Variants in ADGRG6 observed in about 807,000 individuals in gnomAD.
ADGRG6 encodes G-protein coupled receptor 126.
Under a neutral mutation model 142.4 loss-of-function variants are expected in ADGRG6, and 84 were observed. The observed-to-expected ratio is 0.59, with a 90% CI of 0.49 to 0.71. ADGRG6 has a LOEUF of 0.71. Among genes scored for constraint, ADGRG6 ranks in the 30% least tolerant of loss-of-function variants. The pLI is 0.00. For missense variants in ADGRG6, 1,367 were observed against 1,466.6 expected, an observed-to-expected ratio of 0.93 and a Z score of 1.11; for synonymous variants, 521 against 520.5, an observed-to-expected ratio of 1.00 and a Z score of -0.01.
intron 6 of ADGRG6, among the ~76,000 whole-genome samples, chr6:142,384,798 A>G (rs190160587): frequency 2.0e-5 from 3 of 152,268 alleles, no homozygotes; most frequent in Non-Finnish European, 2.9e-5. Context: ...CAGAGGTTAC[A>G]TCAATTTCCT....
chr6:142,409,000 T>A (rs1048151976), intron 16 of ADGRG6, among the ~76,000 whole-genome samples: 6 of 152,172 alleles, frequency 3.9e-5, no homozygotes, highest in African/African-American at 1.2e-4. Flanking sequence ...CCTTCATTCA[T>A]AAAGGACGAT....
intron 6 of ADGRG6, among the ~76,000 whole-genome samples, chr6:142,384,693 T>TCATTTAGCTTA: frequency 6.6e-6 from 1 of 152,112 alleles, no homozygotes; most frequent in Non-Finnish European, 1.5e-5. Flanking sequence ...TAAACTCCAG[T>TCATTTAGCTTA]CATTTAGCTT....
intron 2 of ADGRG6, among the ~76,000 whole-genome samples, chr6:142,353,479 A>G (rs1252282790): frequency 6.6e-5 from 10 of 152,178 alleles, no homozygotes; most frequent in Admixed American, 3.3e-4. Context: ...ACTTGACATT[A>G]TCTTTTCTTT....
chr6:142,396,686 T>C (rs192400318), intron 9 of ADGRG6, among the ~76,000 whole-genome samples: 1 of 152,318 alleles, frequency 6.6e-6, no homozygotes, highest in Admixed American at 6.5e-5. Context: ...TAACGTCTTA[T>C]CTTATTCATT....
At chr6:142,365,836 C>T (rs750693452) in intron 2 of ADGRG6, among the ~76,000 whole-genome samples, 22 of 152,224 alleles carry the variant, frequency 1.4e-4, no homozygotes, top group Non-Finnish European at 2.6e-4. Context: ...GAATAAATCA[C>T]CATATCATAG....
Position 142,302,110 on chromosome 6 carries a change from C to T in ADGRG6, c.-220C>T. 1 of 540,782 alleles carries T rather than the reference C, an allele frequency of 1.8e-6. No homozygotes were observed. Among genetic ancestry groups the T allele is most frequent in the Non-Finnish European group, 3.2e-6 (1 of 308,234 alleles). 33.5% of individuals were successfully genotyped at this position (540,782 alleles called of 1,614,324 possible). On this transcript the variant is annotated 5_prime_UTR_variant, in exon 1 of 25. Transcript: ENST00000367609. ...GAGGGACCTGCCGCCAGCCTGCTTC[C>T]TCGTCCGCAGGCCCTGCGCTGAACG...
At chr6:142,399,285 A>G (rs1386954501) in intron 10 of ADGRG6, among the ~76,000 whole-genome samples, 1 of 152,178 alleles carries the variant, frequency 6.6e-6, no homozygotes, top group African/African-American at 2.4e-5. Context: ...GTGAGGAGCC[A>G]CCCATCTCTA....
chr6:142,412,013 T>C (rs973139549), intron 18 of ADGRG6, among the ~76,000 whole-genome samples: 2 of 152,124 alleles, frequency 1.3e-5, no homozygotes, highest in Admixed American at 1.3e-4. Context: ...TCTATATCAT[T>C]CTTTCCTTCC....
chr6:142,426,791 A>G (rs1053146275), intron 22 of ADGRG6, among the ~76,000 whole-genome samples: 3 of 152,192 alleles, frequency 2.0e-5, no homozygotes, highest in African/African-American at 4.8e-5. Flanking sequence ...CCAAACCTCA[A>G]TTCTTGACTT....
chr6:142,390,253 G>A lies in ADGRG6; in HGVS notation c.1223-5G>A. 1.3e-6 allele frequency: 2 copies of A among 1,490,344 alleles called. No homozygotes were observed. The highest frequency in any genetic ancestry group is 1.8e-5 in the Admixed American group (1 of 56,894). The allele number at this position is 1,490,344 out of a possible 1,614,324, so 92.3% of individuals were successfully genotyped here. A position where few individuals can be genotyped will look rare whatever the true frequency, so the allele number is the denominator to read the frequency against. On this transcript the variant is annotated splice_polypyrimidine_tract_variant and splice_region_variant and intron_variant, in intron 6 of 24. Transcript: ENST00000367609. Reference sequence around the variant, plus strand: ...TAATGGACTAATCCTATTTCCAATGGGCAGATGGAATTATCTATAGAATAT... The same window carrying A: ...TAATGGACTAATCCTATTTCCAATGAGCAGATGGAATTATCTATAGAATAT...
intron 6 of ADGRG6, among the ~76,000 whole-genome samples, chr6:142,388,595 A>C (rs1233109107): frequency 6.6e-6 from 1 of 152,072 alleles, no homozygotes; most frequent in Non-Finnish European, 1.5e-5. Flanking sequence ...CACCTTAAAC[A>C]CGTTCAGAAC....
chr6:142,371,947 T>C (rs952258259), intron 4 of ADGRG6, among the ~76,000 whole-genome samples: 2 of 152,244 alleles, frequency 1.3e-5, no homozygotes, highest in Non-Finnish European at 2.9e-5. Context: ...ATAGAAAATC[T>C]TAATCAGGAA....
chr6:142,405,962 T>A, intron 15 of ADGRG6, 134 bp downstream of exon 15: 1 of 566,666 alleles, frequency 1.8e-6, no homozygotes, highest in Non-Finnish European at 3.0e-6. Context: ...AAACTGAAAA[T>A]TTTTAATATA....
chr6:142,406,191 T>TTG (rs386408807), intron 15 of ADGRG6, among the ~76,000 whole-genome samples: 1 of 114 alleles, frequency 8.8e-3, no homozygotes, highest in East Asian at 0.1. Flanking sequence ...AAGGAAAGGG[T>TTG]TTTTTTTTTT....
intron 10 of ADGRG6, among the ~76,000 whole-genome samples, chr6:142,399,493 T>C (rs1775389446): frequency 6.6e-6 from 1 of 152,094 alleles, no homozygotes; most frequent in Admixed American, 6.6e-5. Context: ...GTCTGACAAA[T>C]GGTAGTTTAT....
intron 2 of ADGRG6, among the ~76,000 whole-genome samples, chr6:142,366,072 C>T (rs997638443): frequency 2.0e-5 from 3 of 152,006 alleles, no homozygotes; most frequent in African/African-American, 7.2e-5. Flanking sequence ...TATGTAAAAG[C>T]AATGTGAATA....
At chr6:142,406,304 C>T (rs1033803182) in intron 15 of ADGRG6, among the ~76,000 whole-genome samples, 1 of 151,780 alleles carries the variant, frequency 6.6e-6, no homozygotes, top group African/African-American at 2.4e-5. Flanking sequence ...TTTACACATC[C>T]GCAGAGTAAG....
chr6:142,332,319 A>G (rs1331963621), intron 2 of ADGRG6, among the ~76,000 whole-genome samples: 2 of 152,208 alleles, frequency 1.3e-5, no homozygotes, highest in Non-Finnish European at 1.5e-5. Context: ...TACCTCTTCT[A>G]ATTTAATTCA....
chr6:142,400,074 TTGAGGCA>T (rs1306061738), intron 10 of ADGRG6, among the ~76,000 whole-genome samples: 1 of 152,186 alleles, frequency 6.6e-6, no homozygotes, highest in Non-Finnish European at 1.5e-5. Context: ...GAAGACACTA[TTGAGGCA>T]TCATTTCTAG....
Sources: gnomAD v4.1 joint callset for allele counts (sites outside exome capture counted in the v4.1 genomes callset) on GRCh38, gnomAD v4.1.1 for gene constraint, MANE v1.5 for transcripts, NCBI Gene and HGNC (gene_info 2026-07-23, HGNC 2026-07-21) for gene names.